The following KCNC4 variants were observed in gnomAD, a reference collection of about 807,000 sequenced individuals.
The protein encoded by KCNC4 is voltage-gated potassium channel KCNC4.
KCNC4 carries 23 observed loss-of-function variants against 42.8 expected under a neutral mutation model. That is an observed-to-expected ratio of 0.54 (90% CI 0.39 to 0.76). The LOEUF (loss-of-function observed/expected upper bound fraction) is 0.76, where lower values mean the gene tolerates loss of function less well. Among genes scored for constraint, KCNC4 ranks in the 30% least tolerant of loss-of-function variants. KCNC4 has a pLI of 0.00. For synonymous variants in KCNC4, 422 were observed against 393.5 expected, an observed-to-expected ratio of 1.07 and a Z score of -0.86; for missense variants, 751 against 898.2, an observed-to-expected ratio of 0.84 and a Z score of 2.10.
rs760587471 is a variant in KCNC4 at position 110,213,170 on chromosome 1, T to TAAAAAAAAAA, written c.678+1011_678+1020dup. On this transcript the variant is annotated intron_variant, in intron 1 of 3. Transcript: ENST00000438661. ...GCTTCCCCCATTATGCTTCGACAGC[T>TAAAAAAAAAA]AAAAAAAAAAAAAAAAAAAAAAAAA... is the stretch of plus-strand genomic sequence containing the variant. Among the ~76,000 whole-genome samples, 142 of 50,848 alleles carry TAAAAAAAAAA rather than the reference T, an allele frequency of 2.8e-3. 13 individuals carry two copies. The highest frequency in any genetic ancestry group is 0.012 in the African/African-American group (136 of 11,402). The allele number at this position is 50,848 out of a possible 152,430, so 33.4% of individuals were successfully genotyped here. A position where few individuals can be genotyped will look rare whatever the true frequency, so the allele number is the denominator to read the frequency against.
intron 1 of KCNC4, chr1:110,220,129 T>G (rs1216597092): frequency 1.3e-5 from 2 of 152,190 alleles, no homozygotes; most frequent in Non-Finnish European, 2.9e-5. Context: ...TTGGCCTCAG[T>G]GTGATCCTGA....
In KCNC4 at chr1:110,212,044, G is replaced by C; in HGVS notation, c.545G>C (p.Arg182Pro). 1 of 1,579,834 alleles carries C rather than the reference G, an allele frequency of 6.3e-7. No homozygotes were observed. Among genetic ancestry groups the C allele is most frequent in the Middle Eastern group, 2.0e-4 (1 of 4,950 alleles). The stretch of plus-strand genomic sequence containing the variant: ...AGCGACGAGGCCGGCGACGATGAGC[G>C]GGAGCTGGCCCTGCAGCGACTGGGC... ...GPSDEAGDDE[R>P]ELALQRLGPH... is the part of the protein sequence containing the mutation. The change falls in exon 1 of 4, where the codon CGG (arginine) becomes CCG (proline). Residue 182 changes from arginine (R) to proline (P), a missense_variant. Coordinates refer to ENST00000438661, the MANE Select transcript of KCNC4 (RefSeq NM_001039574.3).
At chr1:110,215,400 T>G (rs1045046837) in intron 1 of KCNC4, among the ~76,000 whole-genome samples, 1 of 152,162 alleles carries the variant, frequency 6.6e-6, no homozygotes, top group Admixed American at 6.5e-5. Context: ...CAGTGGAGGT[T>G]TGGCAGCATC....
At chr1:110,213,750 A>G (rs965703241) in intron 1 of KCNC4, among the ~76,000 whole-genome samples, 1 of 152,180 alleles carries the variant, frequency 6.6e-6, no homozygotes, top group South Asian at 2.1e-4. Context: ...TGTGAGTTCT[A>G]CAGACTTCTC....
intron 1 of KCNC4, among the ~76,000 whole-genome samples, chr1:110,281,554 A>AC (rs879577363): frequency 0.37 from 45,185 of 122,044 alleles, 7,010 homozygotes; most frequent in South Asian, 0.48. Context: ...ACATATGTAA[A>AC]AACACACACA....
At position 110,212,166 on chromosome 1, in the gene KCNC4, C is replaced by A; in HGVS notation, c.667C>A (p.Arg223=). Residue 223 remains arginine, a synonymous_variant, in exon 1 of 4, where the codon CGG becomes AGG. Coordinates refer to ENST00000438661, the MANE Select transcript of KCNC4 (RefSeq NM_001039574.3). Reference sequence around the variant, plus strand: ...GCTCTTCGAGGATCCCTACTCCTCCCGGGCCGCTAGGGTGAGTGGCAGGAG... The same window carrying A: ...GCTCTTCGAGGATCCCTACTCCTCCAGGGCCGCTAGGGTGAGTGGCAGGAG... ...WALFEDPYSS[R]AARVVAFASL... is the part of the protein sequence containing the mutation. 1 of 1,505,876 alleles carries A rather than the reference C, an allele frequency of 6.6e-7. No homozygotes were observed. 93.3% of individuals were successfully genotyped at this position (1,505,876 alleles called of 1,614,324 possible).
At chr1:110,236,702 C>T (rs1658915612), downstream of KCNC4, 1 of 152,098 alleles carries the variant, frequency 6.6e-6, no homozygotes, top group African/African-American at 2.4e-5. Context: ...TTCTCTGACG[C>T]ACAGAAGTGG....
chr1:110,212,743 C>T (rs1488922315), intron 1 of KCNC4, among the ~76,000 whole-genome samples: 1 of 152,188 alleles, frequency 6.6e-6, no homozygotes, highest in South Asian at 2.1e-4. Flanking sequence ...AAAGCTGAGA[C>T]CACAATCCGG....
chr1:110,222,849 A>G, intron 1 of KCNC4, 115 bp from the exon 2 acceptor site: 2 of 718,540 alleles, frequency 2.8e-6, no homozygotes, highest in Admixed American at 2.4e-5. Context: ...CGTTAATCCC[A>G]CCTCTCACTC....
intron 1 of KCNC4, among the ~76,000 whole-genome samples, chr1:110,268,828 C>T (rs1272398225): frequency 6.6e-6 from 1 of 150,772 alleles, no homozygotes; most frequent in Admixed American, 6.6e-5. Flanking sequence ...CCCGAGTTCA[C>T]TCCATTCTCC....
chr1:110,230,178 G>A (rs944998332), intron 3 of KCNC4, among the ~76,000 whole-genome samples: 1 of 152,218 alleles, frequency 6.6e-6, no homozygotes, highest in Admixed American at 6.5e-5. Flanking sequence ...TGGGCACTGG[G>A]ATACCCCCAC....
Position 110,223,368 on chromosome 1 carries a change from A to T in KCNC4, c.1083A>T (p.Thr361=), listed in dbSNP as rs749523327. 25 of 1,613,802 alleles carry T rather than the reference A, an allele frequency of 1.5e-5. No individual in the cohort carries two copies. The highest frequency in any genetic ancestry group is 2.0e-5 in the Non-Finnish European group (24 of 1,179,846). ...GCATCCTGCGTATCTTCAAGCTCACACGCCACTTCGTGGGGCTACGCGTGC... is the reference window on the plus strand; with the variant it reads ...GCATCCTGCGTATCTTCAAGCTCACTCGCCACTTCGTGGGGCTACGCGTGC... ...FVRILRIFKL[T]RHFVGLRVLG... is the part of the protein sequence containing the mutation. The change falls in exon 2 of 4, where the codon ACA becomes ACT. Residue 361 remains threonine, a synonymous_variant. Transcript: ENST00000438661. This position sits in a 1 kb window ranked among gnomAD's most constrained non-coding sequence, Gnocchi z 7.5.
At chr1:110,277,175 A>T (rs1659740924) in intron 1 of KCNC4, among the ~76,000 whole-genome samples, 1 of 152,238 alleles carries the variant, frequency 6.6e-6, no homozygotes, top group Non-Finnish European at 1.5e-5. Flanking sequence ...AAGAAAGAAC[A>T]CACATCATTA....
chr1:110,247,911 T>C (rs1345259448), exon 4 of KCNC4: 1 of 152,230 alleles, frequency 6.6e-6, no homozygotes, highest in Admixed American at 6.5e-5. Context: ...CCTTAGCCAG[T>C]GATATGCCTT....
intron 1 of KCNC4, 52 bp from the exon 2 acceptor site, chr1:110,222,912 C>A: frequency 2.2e-6 from 3 of 1,381,734 alleles, no homozygotes; most frequent in Non-Finnish European, 1.0e-6. Flanking sequence ...CCCAGCTGGG[C>A]CCATCCATCC....
chr1:110,273,477 C>T (rs1054549940), intron 1 of KCNC4, among the ~76,000 whole-genome samples: 8 of 152,316 alleles, frequency 5.3e-5, no homozygotes, highest in Non-Finnish European at 1.0e-4. Context: ...GGGTTATCAT[C>T]TCTCCTTCCC....
intron 1 of KCNC4, among the ~76,000 whole-genome samples, chr1:110,267,943 C>A (rs965484015): frequency 1.3e-5 from 2 of 152,208 alleles, no homozygotes; most frequent in Non-Finnish European, 2.9e-5. Context: ...AGGGCTCTAA[C>A]TTTGCTGAAG....
exon 4 of KCNC4, chr1:110,245,780 A>G (rs989548220): frequency 2.6e-5 from 4 of 152,220 alleles, no homozygotes; most frequent in African/African-American, 4.8e-5. Flanking sequence ...CAGTGCACGT[A>G]TCTTGTCTTC....
intron 3 of KCNC4, chr1:110,232,464 C>T (rs1658744379): frequency 1.4e-6 from 2 of 1,454,954 alleles, no homozygotes; most frequent in East Asian, 5.0e-5. Flanking sequence ...GGCCTGTGAG[C>T]CACAGGCCAC....
Sources: allele counts gnomAD v4.1 joint callset (sites outside exome capture counted in the v4.1 genomes callset), GRCh38; gene constraint gnomAD v4.1.1; non-coding constraint Gnocchi (gnomAD v3.1); transcripts MANE v1.5; gene names NCBI Gene and HGNC (gene_info 2026-07-23, HGNC 2026-07-21).